COL18A1: variants seen among roughly 807,000 people sequenced by gnomAD.
COL18A1 encodes collagen type XVIII alpha 1 chain.
A neutral mutation model predicts 168.0 loss-of-function variants in COL18A1; 133 were observed. That is an observed-to-expected ratio of 0.79 (90% CI 0.69 to 0.91). COL18A1 has a LOEUF of 0.91. Ranked by LOEUF, COL18A1 falls within the 40% of genes least tolerant of loss-of-function variation. The pLI is 0.00. For missense variants in COL18A1, 2,126 were observed against 1,925.4 expected, an observed-to-expected ratio of 1.10 and a Z score of -1.95; for synonymous variants, 949 against 809.0, an observed-to-expected ratio of 1.17 and a Z score of -2.94.
intron 11 of COL18A1, 137 bp from the exon 12 acceptor site, chr21:45,480,328 CTG>C: frequency 6.6e-7 from 1 of 1,506,126 alleles, no homozygotes; most frequent in Non-Finnish European, 9.1e-7. Flanking sequence ...TCAGGCTTCT[CTG>C]GGGGCAGCAG....
chr21:45,438,929 C>T (rs1375993185), intron 2 of COL18A1, among the ~76,000 whole-genome samples: 1 of 152,136 alleles, frequency 6.6e-6, no homozygotes, highest in Non-Finnish European at 1.5e-5. Flanking sequence ...CGGTGGGGGC[C>T]GAGGGGCTGC....
At chr21:45,503,644 G>A (rs1301383148) in intron 32 of COL18A1, among the ~76,000 whole-genome samples, 4 of 116,376 alleles carry the variant, frequency 3.4e-5, no homozygotes, top group African/African-American at 6.5e-5. Context: ...TGTGGGGTGG[G>A]GGGAGGGGGG....
chr21:45,510,850 G>A (rs531863852), intron 40 of COL18A1, among the ~76,000 whole-genome samples: 55 of 152,230 alleles, frequency 3.6e-4, no homozygotes, highest in South Asian at 1.0e-3. Flanking sequence ...CTTGGGGTCT[G>A]CAGAGGCTGC....
In COL18A1 at chr21:45,456,153, C is replaced by T. The variant is rs759599651; in HGVS notation, c.107-12089C>T. ...AGGCCCTGGGCACCACTCACGGGGC[C>T]CTCAGTGCCACCACCATCTTCAGGT... On this transcript the variant is annotated intron_variant, in intron 2 of 41. Coordinates refer to ENST00000651438, the MANE Select transcript of COL18A1 (RefSeq NM_001379500.1). 6.3e-7 allele frequency: 1 copy of T among 1,585,778 alleles called. No homozygotes were observed. The highest frequency in any genetic ancestry group is 2.2e-5 in the East Asian group (1 of 44,468).
At chr21:45,482,359 A>T (rs2236468) in intron 14 of COL18A1, 3 of 667,198 alleles carry the variant, frequency 4.5e-6, no homozygotes, top group Non-Finnish European at 8.4e-6. Context: ...CCGGGGCCCC[A>T]GGCGTTTGTG....
At position 45,488,404 on chromosome 21, in the gene COL18A1, C is replaced by T. The variant is rs1301034599; in HGVS notation, c.1897-14C>T. The T allele has an allele frequency of 7.4e-6, 12 of 1,613,728 alleles. No individual in the cohort carries two copies. Among genetic ancestry groups the T allele is most frequent in the Non-Finnish European group, 1.0e-5 (12 of 1,180,004 alleles). ...TCCAGCTGCACTAACACTGTGTCTC[C>T]TCTGCCCTGACAGGGACCTCCCGGC... On this transcript the variant is annotated splice_polypyrimidine_tract_variant and intron_variant, in intron 17 of 41. Coordinates refer to ENST00000651438, the MANE Select transcript of COL18A1 (RefSeq NM_001379500.1).
chr21:45,456,516 C>G (rs2034823559), intron 2 of COL18A1: 1 of 1,547,962 alleles, frequency 6.5e-7, no homozygotes, highest in African/African-American at 1.4e-5. Context: ...GACCCCGAGG[C>G]CCCCGCCGGT....
Position 45,496,485 on chromosome 21 carries a change from C to A in COL18A1, c.2509-15C>A. The stretch of plus-strand genomic sequence containing the variant: ...GGCAGGCCATAAGCCTAACAGCTCT[C>A]TGCCCTCCCCACAGGGAATGCCCGG... On this transcript the variant is annotated splice_polypyrimidine_tract_variant and intron_variant, in intron 29 of 41. Transcript: ENST00000651438. 8.2e-7 allele frequency: 1 copy of A among 1,219,860 alleles called. No individual in the cohort carries two copies. Among genetic ancestry groups the A allele is most frequent in the Non-Finnish European group, 1.2e-6 (1 of 820,232 alleles). 75.6% of individuals were successfully genotyped at this position (1,219,860 alleles called of 1,614,324 possible).
rs909874932 is a variant in COL18A1, at chr21:45,482,113, G to C, written c.1674+88G>C. ...GGGGGTGCCTGGTGACGCCCGTGAA[G>C]GGGAAATGCCAGGAATAGCCCCCCA... is the stretch of plus-strand genomic sequence containing the variant. On this transcript the variant is annotated intron_variant, in intron 14 of 41. Coordinates refer to ENST00000651438, the MANE Select transcript of COL18A1 (RefSeq NM_001379500.1). 7.7e-6 allele frequency: 8 copies of C among 1,032,766 alleles called. No homozygotes were observed. The African/African-American group carries it at 1.3e-4, about 16-fold the overall frequency. 64.0% of individuals were successfully genotyped at this position (1,032,766 alleles called of 1,614,324 possible). A position where few individuals can be genotyped will look rare whatever the true frequency, so the allele number is the denominator to read the frequency against.
chr21:45,427,487 G>A (rs936845136), intron 2 of COL18A1, among the ~76,000 whole-genome samples: 6 of 152,256 alleles, frequency 3.9e-5, no homozygotes, highest in East Asian at 1.9e-4. Flanking sequence ...CCCGGGTGCC[G>A]TGCCCATGGG....
Position 45,476,366 on chromosome 21 carries a change from C to G in COL18A1, c.814C>G (p.Pro272Ala). The G allele has an allele frequency of 1.2e-6, 2 of 1,614,084 alleles. No homozygotes were observed. The highest frequency in any genetic ancestry group is 1.7e-6 in the Non-Finnish European group (2 of 1,180,018). The change falls in exon 6 of 42, where the codon CCC becomes GCC. Residue 272 changes from proline to alanine, a missense_variant. Pro to Ala is a conservative substitution (Grantham distance 27, BLOSUM62 -1). Transcript: ENST00000651438. Reference protein sequence around the residue: ...LREETGAALKPRLPAPPPVTT... With the variant: ...LREETGAALKARLPAPPPVTT... ...CGTCCTCCAGGGCGCGGCCCTAAAA[C>G]CCAGGCTCCCCGCGCCACCCCCCGT...
At chr21:45,477,127 C>T (rs1440513637) in intron 6 of COL18A1, among the ~76,000 whole-genome samples, 2 of 152,124 alleles carry the variant, frequency 1.3e-5, no homozygotes, top group South Asian at 2.1e-4. Flanking sequence ...TCTGGGGGGC[C>T]AGGGTCTCTT....
chr21:45,460,790 A>G (rs1322588808), intron 2 of COL18A1, among the ~76,000 whole-genome samples: 5 of 152,206 alleles, frequency 3.3e-5, no homozygotes, highest in African/African-American at 1.2e-4. Flanking sequence ...GATGCTGGCT[A>G]AGCTTCTCGT....
intron 28 of COL18A1, 200 bp from the exon 29 acceptor site, chr21:45,495,158 T>G: frequency 1.5e-6 from 1 of 656,888 alleles, no homozygotes; most frequent in African/African-American, 1.8e-5. Flanking sequence ...CTGTGTGTGC[T>G]AGGCTCAGTC....
At chr21:45,456,199 G>A (rs760431847) in intron 2 of COL18A1, 3 of 1,603,016 alleles carry the variant, frequency 1.9e-6, no homozygotes, top group Non-Finnish European at 2.6e-6. Flanking sequence ...TCTCCTCCTT[G>A]CTGGGCGGGG....
intron 40 of COL18A1, among the ~76,000 whole-genome samples, chr21:45,510,551 G>A (rs1211702390): frequency 6.6e-6 from 1 of 151,966 alleles, no homozygotes; most frequent in Non-Finnish European, 1.5e-5. Context: ...AGGGTCCCAT[G>A]CTGCTGGACC....
intron 13 of COL18A1, among the ~76,000 whole-genome samples, chr21:45,481,443 C>T (rs190042445): frequency 5.7e-4 from 87 of 152,294 alleles, no homozygotes; most frequent in Middle Eastern, 3.4e-3. Context: ...TGGGGTCACT[C>T]GGTAGCATGC....
At chr21:45,419,147 G>A (rs1048548558) in intron 2 of COL18A1, among the ~76,000 whole-genome samples, 14 of 152,226 alleles carry the variant, frequency 9.2e-5, no homozygotes, top group African/African-American at 3.1e-4. Context: ...ACACGATGCC[G>A]TGTGTAGTGA....
rs755768318 is a variant in COL18A1, at chr21:45,480,518, C to T, written c.1450C>T (p.Arg484Trp). The T allele has an allele frequency of 3.2e-5, 51 of 1,613,948 alleles. No homozygotes were observed. Among genetic ancestry groups the T allele is most frequent in the South Asian group, 1.2e-4 (11 of 91,082 alleles). ...CTTCGGGGGCGATCTGGAGGCCCTGCGGGTGAGTGGCCCTTAAACTGCAGC... is the reference window on the plus strand; with the variant it reads ...CTTCGGGGGCGATCTGGAGGCCCTGTGGGTGAGTGGCCCTTAAACTGCAGC... The part of the protein sequence containing the change: ...SGFGGDLEAL[R>W]GPRGFPGPPG... Residue 484 changes from arginine (R) to tryptophan (W), a missense_variant and splice_region_variant, in exon 12 of 42, where the codon CGG (arginine) becomes TGG (tryptophan). By Grantham distance (101) the Arg-to-Trp change is moderately radical (BLOSUM62 -3). Coordinates refer to ENST00000651438, the MANE Select transcript of COL18A1 (RefSeq NM_001379500.1).
Sources: allele counts gnomAD v4.1 joint callset (sites outside exome capture counted in the v4.1 genomes callset), GRCh38; gene constraint gnomAD v4.1.1; transcripts MANE v1.5; gene names NCBI Gene and HGNC (gene_info 2026-07-23, HGNC 2026-07-21).